LRP1B: variants seen among roughly 807,000 people sequenced by gnomAD.
The protein encoded by LRP1B is LDL receptor related protein 1B.
In LRP1B, 217 loss-of-function variants were observed where a neutral mutation model predicts 556.6. The observed-to-expected ratio is 0.39, with a 90% CI of 0.35 to 0.44. The LOEUF (loss-of-function observed/expected upper bound fraction) is 0.44, where lower values mean the gene tolerates loss of function less well. Ranked by LOEUF, LRP1B falls within the 20% of genes least tolerant of loss-of-function variation. The probability of loss-of-function intolerance (pLI) is 1.00; values close to 1 mark genes in which losing one functional copy is unlikely to be tolerated. For missense variants in LRP1B, 5,053 were observed against 5,620.8 expected (o/e 0.90, Z 3.23); for synonymous variants, 2,047 against 1,865.8 (o/e 1.10, Z -2.50).
intron 2 of LRP1B, among the ~76,000 whole-genome samples, chr2:141,595,952 T>C (rs1167418718): frequency 6.6e-6 from 1 of 152,060 alleles, no homozygotes; most frequent in Non-Finnish European, 1.5e-5. Flanking sequence ...ATAATTCAGA[T>C]ATTGAATCCA....
intron 25 of LRP1B, among the ~76,000 whole-genome samples, chr2:140,879,499 T>C (rs1693408075): frequency 6.6e-6 from 1 of 152,164 alleles, no homozygotes; most frequent in African/African-American, 2.4e-5. Context: ...TAACATGTTA[T>C]AGAATTAGTC....
chr2:140,627,873 A>C (rs1683724464), intron 41 of LRP1B, among the ~76,000 whole-genome samples: 2 of 151,530 alleles, frequency 1.3e-5, no homozygotes, highest in African/African-American at 4.9e-5. Flanking sequence ...CTGGAGTTAA[A>C]TGGCAAAAGG....
At chr2:140,965,730 C>A (rs1430292419) in intron 18 of LRP1B, among the ~76,000 whole-genome samples, 5 of 151,782 alleles carry the variant, frequency 3.3e-5, no homozygotes, top group Admixed American at 2.6e-4. Context: ...CGACAGGACC[C>A]AGTGTGCGAT....
intron 75 of LRP1B, among the ~76,000 whole-genome samples, chr2:140,355,014 CTTTA>C (rs1234905156): frequency 1.3e-5 from 2 of 151,748 alleles, no homozygotes; most frequent in African/African-American, 2.4e-5. Flanking sequence ...AAAATCAAAA[CTTTA>C]TTTATTAAAA....
At chr2:141,517,279 C>CATACACACACACACACACACATACACAT (rs1559116842) in intron 2 of LRP1B, among the ~76,000 whole-genome samples, 1 of 151,356 alleles carries the variant, frequency 6.6e-6, no homozygotes, top group Admixed American at 6.6e-5. Flanking sequence ...CACAGACACA[C>CATACACACACACACACACACATACACAT]ACACACACAC....
At chr2:140,638,415 T>C (rs768550324) in intron 41 of LRP1B, among the ~76,000 whole-genome samples, 1 of 152,196 alleles carries the variant, frequency 6.6e-6, no homozygotes, top group Non-Finnish European at 1.5e-5. Flanking sequence ...GTGGCGAGGC[T>C]GGGATTTAAC....
chr2:140,528,919 CATAAGGTG>C (rs1201373845), intron 47 of LRP1B, among the ~76,000 whole-genome samples: 1 of 151,950 alleles, frequency 6.6e-6, no homozygotes, highest in Admixed American at 6.6e-5. Flanking sequence ...TTGTTTCATC[CATAAGGTG>C]ATTTTTGAGG....
chr2:140,743,820 CGTG>C (rs939908105), intron 35 of LRP1B, among the ~76,000 whole-genome samples: 2 of 151,032 alleles, frequency 1.3e-5, no homozygotes, highest in African/African-American at 4.9e-5. Context: ...ATTAGCCGGG[CGTG>C]GTGGCGGGTG....
intron 1 of LRP1B, among the ~76,000 whole-genome samples, chr2:141,994,638 T>G (rs1702437648): frequency 6.6e-6 from 1 of 152,066 alleles, no homozygotes; most frequent in Non-Finnish European, 1.5e-5. Context: ...AAGAAAACAT[T>G]TTAAATGGGA....
intron 3 of LRP1B, among the ~76,000 whole-genome samples, chr2:141,393,564 C>G (rs2104910154): frequency 6.6e-6 from 1 of 152,288 alleles, no homozygotes; most frequent in African/African-American, 2.4e-5. Flanking sequence ...AAGCATTCGT[C>G]TTCATCCTTT....
chr2:140,804,649 A>ATT (rs869167644), intron 32 of LRP1B, among the ~76,000 whole-genome samples: 3,390 of 57,702 alleles, frequency 0.059, 270 homozygotes, highest in South Asian at 0.12. Context: ...GTAAAAACTA[A>ATT]TTTTTTTTTT....
At chr2:141,086,618 TTGTGTGTG>T (rs10608029) in intron 7 of LRP1B, among the ~76,000 whole-genome samples, 21,806 of 148,048 alleles carry the variant, frequency 0.15, 1,616 homozygotes, top group South Asian at 0.23. Context: ...AGTATAATAT[TTGTGTGTG>T]TGTGTGTGTG....
At chr2:140,941,925 T>C (rs572743357) in intron 20 of LRP1B, among the ~76,000 whole-genome samples, 1 of 152,286 alleles carries the variant, frequency 6.6e-6, no homozygotes, top group Non-Finnish European at 1.5e-5. Flanking sequence ...ACTAGCTTTC[T>C]AGCAATGAAC....
chr2:141,908,641 C>T (rs1424884160), intron 1 of LRP1B, among the ~76,000 whole-genome samples: 6 of 151,924 alleles, frequency 3.9e-5, no homozygotes, highest in African/African-American at 1.5e-4. Context: ...GTAATAAAGA[C>T]CTCATTACAT....
chr2:140,701,708 C>A lies in LRP1B; in HGVS notation c.6427+13G>T, dbSNP rs2105425560. The A allele has an allele frequency of 6.2e-7, 1 of 1,605,540 alleles. No homozygotes were observed. Among genetic ancestry groups the A allele is most frequent in the Non-Finnish European group, 8.5e-7 (1 of 1,176,368 alleles). On this transcript the variant is annotated intron_variant, in intron 40 of 90. Transcript: ENST00000389484. ...AAAATATACATATTATGTATTCTTT[C>A]AAGAGTGCTGACCTTTCTCTCTTAC...
intron 74 of LRP1B, among the ~76,000 whole-genome samples, chr2:140,357,197 TAAATC>T (rs1302021267): frequency 6.6e-6 from 1 of 151,718 alleles, no homozygotes; most frequent in African/African-American, 2.4e-5. Context: ...CTAAGTTACT[TAAATC>T]AAATTTTTGA....
intron 29 of LRP1B, among the ~76,000 whole-genome samples, chr2:140,847,125 G>C (rs1297360525): frequency 6.6e-6 from 1 of 152,040 alleles, no homozygotes; most frequent in Non-Finnish European, 1.5e-5. Flanking sequence ...CCCCAGCCTA[G>C]TCTAGGCTTC....
chr2:140,536,519 C>G, intron 46 of LRP1B, 62 bp downstream of exon 46: 1 of 1,527,060 alleles, frequency 6.5e-7, no homozygotes, highest in Non-Finnish European at 8.8e-7. Flanking sequence ...ACAAGCAAAC[C>G]AAAAACTGTA....
chr2:140,559,999 G>T (rs1680872180), intron 43 of LRP1B, among the ~76,000 whole-genome samples: 1 of 152,086 alleles, frequency 6.6e-6, no homozygotes, highest in Non-Finnish European at 1.5e-5. Flanking sequence ...ATATTAATTA[G>T]TTTCATAGGG....
Sources: allele counts gnomAD v4.1 joint callset (sites outside exome capture counted in the v4.1 genomes callset), GRCh38; gene constraint gnomAD v4.1.1; transcripts MANE v1.5; gene names NCBI Gene and HGNC (gene_info 2026-07-23, HGNC 2026-07-21).